OPCML: variants seen among roughly 807,000 people sequenced by gnomAD.
The protein encoded by OPCML is opioid-binding protein/cell adhesion molecule.
Under a neutral mutation model 37.8 loss-of-function variants are expected in OPCML, and 13 were observed. The observed-to-expected ratio is 0.34, with a 90% CI of 0.22 to 0.55. The LOEUF is 0.55. Ranked by LOEUF, OPCML falls within the 20% of genes least tolerant of loss-of-function variation. The pLI is 0.91. For synonymous variants in OPCML, 176 were observed against 168.8 expected (o/e 1.04, Z -0.33); for missense variants, 341 against 435.6 (o/e 0.78, Z 1.93).
At chr11:132,845,447 A>T (rs916279561) in intron 2 of OPCML, among the ~76,000 whole-genome samples, 1 of 152,190 alleles carries the variant, frequency 6.6e-6, no homozygotes, top group Non-Finnish European at 1.5e-5. Flanking sequence ...AATCATTTCA[A>T]ACTCAAATAC....
rs966091785 is a variant in OPCML, at chr11:133,373,448, T to TATACATAC, written c.61+158815_61+158816insGTATGTAT. ...AAATATATATATATATATATATATA[T>TATACATAC]ACACACACACACACAAAAATACAAA... On this transcript the variant is annotated intron_variant, in intron 1 of 7. Transcript: ENST00000524381. Among the ~76,000 whole-genome samples, 3 of 132,178 alleles carry TATACATAC rather than the reference T, an allele frequency of 2.3e-5. No individual in the cohort carries two copies. In the Admixed American group the frequency reaches 2.3e-4, roughly 10 times the overall value. 86.7% of individuals were successfully genotyped at this position (132,178 alleles called of 152,430 possible).
intron 1 of OPCML, among the ~76,000 whole-genome samples, chr11:133,145,850 C>T (rs1203448350): frequency 1.3e-5 from 2 of 151,886 alleles, no homozygotes; most frequent in Non-Finnish European, 2.9e-5. Flanking sequence ...AAGGAGCAAA[C>T]AAAAGATCTG....
At chr11:133,475,928 G>T (rs951775812) in intron 1 of OPCML, among the ~76,000 whole-genome samples, 1 of 152,190 alleles carries the variant, frequency 6.6e-6, no homozygotes, top group African/African-American at 2.4e-5. Context: ...TGGCAGTGGA[G>T]CCTCCCAGGG....
chr11:133,335,301 G>A (rs1324978179), intron 1 of OPCML, among the ~76,000 whole-genome samples: 1 of 152,180 alleles, frequency 6.6e-6, no homozygotes, highest in Non-Finnish European at 1.5e-5. Flanking sequence ...ATGGCAGAAT[G>A]GTCCAGGTGA....
At chr11:133,270,481 AG>A (rs887519131) in intron 1 of OPCML, among the ~76,000 whole-genome samples, 2 of 152,178 alleles carry the variant, frequency 1.3e-5, no homozygotes, top group Non-Finnish European at 1.5e-5. Context: ...GAGACATATA[AG>A]GGATTGTTTT....
intron 2 of OPCML, among the ~76,000 whole-genome samples, chr11:132,876,826 T>C (rs979629266): frequency 6.6e-6 from 1 of 152,194 alleles, no homozygotes; most frequent in African/African-American, 2.4e-5. Flanking sequence ...AGTTGCCGTA[T>C]ACCACCAGCT....
intron 4 of OPCML, among the ~76,000 whole-genome samples, chr11:132,522,304 T>C (rs752343804): frequency 6.6e-6 from 1 of 152,086 alleles, no homozygotes; most frequent in Non-Finnish European, 1.5e-5. Flanking sequence ...GCCAAAGAAA[T>C]GAATCAAAGA....
intron 4 of OPCML, among the ~76,000 whole-genome samples, chr11:132,500,080 T>G (rs1259619233): frequency 6.6e-6 from 1 of 152,182 alleles, no homozygotes; most frequent in Non-Finnish European, 1.5e-5. Context: ...GGGACACTGA[T>G]GTTAAAGTAA....
At chr11:132,657,052 C>A (rs202241246) in intron 3 of OPCML, 35 bp downstream of exon 3, 1 of 1,603,892 alleles carries the variant, frequency 6.2e-7, no homozygotes, top group Non-Finnish European at 8.5e-7. Flanking sequence ...CCATCACTGA[C>A]GGGAATGGCA....
At position 132,748,052 on chromosome 11, in the gene OPCML, C is replaced by T. The variant is rs1945698480; in HGVS notation, c.147-90733G>A. 2.7e-5 allele frequency among the ~76,000 whole-genome samples: 4 copies of T among 147,826 alleles called. No homozygotes were observed. In the South Asian group the frequency reaches 8.7e-4, roughly 32 times the overall value. On this transcript the variant is annotated intron_variant, in intron 2 of 7. Transcript: ENST00000524381. ...CATTCTATTATGTTATTTTATCCTC[C>T]AGCTGCTTGTCTTTTTTTTTTTTTT...
chr11:132,723,603 C>G (rs1218759824), intron 2 of OPCML, among the ~76,000 whole-genome samples: 1 of 152,096 alleles, frequency 6.6e-6, no homozygotes, highest in African/African-American at 2.4e-5. Flanking sequence ...GGAATTTTTA[C>G]CTATATTTCA....
chr11:132,648,453 G>C (rs189927565), intron 3 of OPCML, among the ~76,000 whole-genome samples: 21 of 151,642 alleles, frequency 1.4e-4, no homozygotes, highest in Admixed American at 1.4e-3. Flanking sequence ...CATTACGACT[G>C]TTCCGTTTAT....
chr11:132,496,147 C>G (rs994645009), intron 4 of OPCML, among the ~76,000 whole-genome samples: 3 of 152,088 alleles, frequency 2.0e-5, no homozygotes, highest in Admixed American at 2.0e-4. Context: ...AGAGGCTGTG[C>G]GTATCATACT....
At chr11:132,992,293 G>A (rs1255234530) in intron 1 of OPCML, among the ~76,000 whole-genome samples, 6 of 151,316 alleles carry the variant, frequency 4.0e-5, no homozygotes, top group South Asian at 4.2e-4. Context: ...TCACTCATCC[G>A]GACACATATA....
At chr11:133,171,397 C>G (rs1453139106) in intron 1 of OPCML, among the ~76,000 whole-genome samples, 2 of 152,178 alleles carry the variant, frequency 1.3e-5, no homozygotes, top group Admixed American at 6.5e-5. Context: ...CTCTATGACC[C>G]CTGAAGGGCA....
At chr11:132,846,992 C>T (rs1385947430) in intron 2 of OPCML, among the ~76,000 whole-genome samples, 1 of 152,190 alleles carries the variant, frequency 6.6e-6, no homozygotes, top group Non-Finnish European at 1.5e-5. Context: ...AGGTAGACTA[C>T]ATAAAGATGT....
chr11:133,191,165 T>C (rs1052915456), intron 1 of OPCML, among the ~76,000 whole-genome samples: 2 of 152,308 alleles, frequency 1.3e-5, no homozygotes, highest in African/African-American at 4.8e-5. Context: ...GTCTTTTTTA[T>C]TATGGCGAAT....
At chr11:132,840,499 A>C (rs909257018) in intron 2 of OPCML, among the ~76,000 whole-genome samples, 1 of 152,092 alleles carries the variant, frequency 6.6e-6, no homozygotes, top group African/African-American at 2.4e-5. Flanking sequence ...AAGTTCTGCT[A>C]GTGGGTGGAA....
At chr11:133,015,395 TGAAGGAAGGAAG>T (rs1212156985) in intron 1 of OPCML, among the ~76,000 whole-genome samples, 2,027 of 68,302 alleles carry the variant, frequency 0.03, 173 homozygotes, top group South Asian at 0.12. Flanking sequence ...AAGGAAGGAA[TGAAGGAAGGAAG>T]GAAGGAAGGA....
Sources: allele counts gnomAD v4.1 joint callset (sites outside exome capture counted in the v4.1 genomes callset), GRCh38; gene constraint gnomAD v4.1.1; transcripts MANE v1.5; gene names NCBI Gene and HGNC (gene_info 2026-07-23, HGNC 2026-07-21).